Variants in B4GALNT3 observed in about 807,000 individuals in gnomAD.
B4GALNT3 encodes beta-1,4-N-acetyl-galactosaminyltransferase 3.
A neutral mutation model predicts 120.2 loss-of-function variants in B4GALNT3; 86 were observed. The observed-to-expected ratio is 0.72, with a 90% CI of 0.60 to 0.86. The LOEUF (loss-of-function observed/expected upper bound fraction) is 0.86, where lower values mean the gene tolerates loss of function less well. Among genes scored for constraint, B4GALNT3 ranks in the 40% least tolerant of loss-of-function variants. The pLI is 0.00. For synonymous variants in B4GALNT3, 518 were observed against 510.4 expected, an observed-to-expected ratio of 1.01 and a Z score of -0.20; for missense variants, 1,167 against 1,298.9, an observed-to-expected ratio of 0.90 and a Z score of 1.56.
At chr12:519,858 G>A (rs1469320622) in intron 1 of B4GALNT3, among the ~76,000 whole-genome samples, 2 of 152,212 alleles carry the variant, frequency 1.3e-5, no homozygotes. Context: ...GCCCTCAACA[G>A]CGCTCGCCAT....
chr12:506,696 G>A (rs568040418), intron 1 of B4GALNT3, among the ~76,000 whole-genome samples: 1 of 152,166 alleles, frequency 6.6e-6, no homozygotes, highest in Admixed American at 6.5e-5. Context: ...GAGTGCAGTG[G>A]CGCGGTCTCG....
intron 9 of B4GALNT3, among the ~76,000 whole-genome samples, chr12:549,229 C>A (rs370704380): frequency 1.1e-4 from 16 of 152,144 alleles, no homozygotes; most frequent in African/African-American, 3.1e-4. Flanking sequence ...GCTGCTTTAA[C>A]CTGGATGCTG....
intron 1 of B4GALNT3, among the ~76,000 whole-genome samples, chr12:479,936 T>C (rs796781832): frequency 2.4e-4 from 26 of 106,924 alleles, no homozygotes; most frequent in African/African-American, 7.1e-4. Context: ...TTTTTTGAGA[T>C]GGAGTCTCGC....
chr12:511,849 A>C (rs1485366584), intron 1 of B4GALNT3, among the ~76,000 whole-genome samples: 1 of 37,924 alleles, frequency 2.6e-5, no homozygotes, highest in African/African-American at 1.0e-4. Flanking sequence ...TCCACCTTCC[A>C]CCTTCCACCT....
intron 1 of B4GALNT3, among the ~76,000 whole-genome samples, chr12:500,885 T>TTTTTTTTTTTG (rs1946435189): frequency 6.9e-6 from 1 of 145,428 alleles, no homozygotes; most frequent in Admixed American, 6.9e-5. Flanking sequence ...TTTTTTTTTT[T>TTTTTTTTTTTG]GACACAGGGT....
In B4GALNT3 at chr12:547,035, G is replaced by A. The variant is rs552827629; in HGVS notation, c.707+322G>A. ...CCACACCCACAACAGCCTGGACCCCGGACCGAGGTCCCCCTCGGTCGTCTG... is the reference window on the plus strand; with the variant it reads ...CCACACCCACAACAGCCTGGACCCCAGACCGAGGTCCCCCTCGGTCGTCTG... On this transcript the variant is annotated intron_variant, in intron 7 of 19. Coordinates refer to ENST00000266383, the MANE Select transcript of B4GALNT3 (RefSeq NM_173593.4). Among the ~76,000 whole-genome samples, 16 of 152,302 alleles carry A rather than the reference G, an allele frequency of 1.1e-4. No homozygotes were observed. In the East Asian group the frequency reaches 2.5e-3, roughly 24 times the overall value.
chr12:475,600 A>C (rs763084676), intron 1 of B4GALNT3, among the ~76,000 whole-genome samples: 31 of 151,902 alleles, frequency 2.0e-4, no homozygotes, highest in Admixed American at 5.9e-4. Context: ...CAGTCTCATG[A>C]CATCCCTCTG....
At chr12:510,910 C>T (rs1946541510) in intron 1 of B4GALNT3, among the ~76,000 whole-genome samples, 1 of 151,024 alleles carries the variant, frequency 6.6e-6, no homozygotes, top group African/African-American at 2.4e-5. Flanking sequence ...GCATTTTCCT[C>T]ACCCTAGAAA....
At chr12:557,550 C>T (rs1202150192) in intron 15 of B4GALNT3, 58 bp from the exon 16 acceptor site, 10 of 1,555,714 alleles carry the variant, frequency 6.4e-6, no homozygotes, top group Non-Finnish European at 7.0e-6. Flanking sequence ...TGGAGGCGCT[C>T]ATCCGCTCAT....
intron 5 of B4GALNT3, 106 bp downstream of exon 5, chr12:545,078 A>G: frequency 6.7e-7 from 1 of 1,488,948 alleles, no homozygotes; most frequent in Non-Finnish European, 9.0e-7. Flanking sequence ...ACTTCCTGTT[A>G]GTCCACCCTC....
intron 14 of B4GALNT3, among the ~76,000 whole-genome samples, chr12:554,573 G>C (rs12298733): frequency 6.7e-6 from 1 of 149,426 alleles, no homozygotes; most frequent in South Asian, 2.1e-4. Context: ...GGCGGATCAC[G>C]AGGTCAGGAG....
intron 1 of B4GALNT3, among the ~76,000 whole-genome samples, chr12:518,292 T>G (rs191110339): frequency 6.6e-6 from 1 of 152,356 alleles, no homozygotes; most frequent in African/African-American, 2.4e-5. Flanking sequence ...CTATGCGCAG[T>G]TGTCTCTTGG....
intron 1 of B4GALNT3, among the ~76,000 whole-genome samples, chr12:492,289 A>G (rs370119827): frequency 1.3e-5 from 2 of 152,232 alleles, no homozygotes; most frequent in African/African-American, 4.8e-5. Context: ...GGATACAGGG[A>G]TACAGATGTC....
chr12:493,249 T>C (rs1028799692), intron 1 of B4GALNT3, among the ~76,000 whole-genome samples: 1 of 152,202 alleles, frequency 6.6e-6, no homozygotes, highest in Non-Finnish European at 1.5e-5. Context: ...ACCCCATTAA[T>C]GGGCAAAGCA....
chr12:559,448 GAGGCCTGGGAATTCCATGGCGCTCC>G (rs1947199155), intron 19 of B4GALNT3, 27 bp downstream of exon 19: 1 of 1,610,382 alleles, frequency 6.2e-7, no homozygotes, highest in African/African-American at 1.3e-5. Context: ...GGGCATCCAC[GAGGCCTGGGAATTCCATGGCGCTCC>G]AGGCAGGGAG....
intron 1 of B4GALNT3, among the ~76,000 whole-genome samples, chr12:494,331 C>T (rs1355560823): frequency 6.6e-6 from 1 of 151,440 alleles, no homozygotes; most frequent in African/African-American, 2.4e-5. Context: ...GAAAAGGTCT[C>T]ATTGTCCGTT....
chr12:512,679 ACCTTCGATCTT>A lies in B4GALNT3; in HGVS notation c.170-22481_170-22471del, dbSNP rs1182130060. Among the ~76,000 whole-genome samples, 6 of 63,676 alleles carry A rather than the reference ACCTTCGATCTT, an allele frequency of 9.4e-5. 1 individual carries two copies. Among genetic ancestry groups the A allele is most frequent in the Non-Finnish European group, 1.8e-4 (6 of 33,652 alleles). 41.8% of individuals were successfully genotyped at this position (63,676 alleles called of 152,430 possible). On this transcript the variant is annotated intron_variant, in intron 1 of 19. Coordinates refer to ENST00000266383, the MANE Select transcript of B4GALNT3 (RefSeq NM_173593.4). Reference sequence around the variant, plus strand: ...CACCTTCTTCCACCTTCCACCTTCCACCTTCGATCTTCCTTCCACCTTCCGCCTTCCACCTT... The same window carrying A: ...CACCTTCTTCCACCTTCCACCTTCCACCTTCCACCTTCCGCCTTCCACCTT...
At chr12:507,060 T>G (rs1357915167) in intron 1 of B4GALNT3, among the ~76,000 whole-genome samples, 2 of 152,240 alleles carry the variant, frequency 1.3e-5, no homozygotes, top group Admixed American at 1.3e-4. Context: ...CATCTTGCAT[T>G]AAGCCCCGGT....
At chr12:474,843 C>G (rs1467073088) in intron 1 of B4GALNT3, among the ~76,000 whole-genome samples, 1 of 150,784 alleles carries the variant, frequency 6.6e-6, no homozygotes, top group East Asian at 2.0e-4. Flanking sequence ...ATAGTCCCAG[C>G]TACTCGGGAG....
Sources: allele counts gnomAD v4.1 joint callset (sites outside exome capture counted in the v4.1 genomes callset), GRCh38; gene constraint gnomAD v4.1.1; transcripts MANE v1.5; gene names NCBI Gene and HGNC (gene_info 2026-07-23, HGNC 2026-07-21).